PLVAP: variants seen among roughly 807,000 people sequenced by gnomAD.
The protein encoded by PLVAP is plasmalemma vesicle associated protein, also known as plasmalemma vesicle-associated protein.
PLVAP carries 34 observed loss-of-function variants against 43.1 expected under a neutral mutation model. That is an observed-to-expected ratio of 0.79 (90% CI 0.60 to 1.05). The LOEUF is 1.05. Among genes scored for constraint, PLVAP ranks in the 50% least tolerant of loss-of-function variants. The pLI is 0.00. For missense variants in PLVAP, 574 were observed against 593.4 expected (o/e 0.97, Z 0.34); for synonymous variants, 241 against 237.3 (o/e 1.02, Z -0.14).
chr19:17,359,084 GC>G (rs1185925591), intron 5 of PLVAP, among the ~76,000 whole-genome samples: 7 of 151,636 alleles, frequency 4.6e-5, no homozygotes, highest in Non-Finnish European at 8.8e-5. Context: ...ACAGGTGTGA[GC>G]CACAGTGCCT....
At chr19:17,353,353 C>T (rs1167964279) in intron 5 of PLVAP, among the ~76,000 whole-genome samples, 2 of 152,192 alleles carry the variant, frequency 1.3e-5, no homozygotes, top group Non-Finnish European at 2.9e-5. Context: ...CTCTTTGTCC[C>T]GTAGTCTGTT....
Position 17,377,061 on chromosome 19 carries a change from C to T in PLVAP, c.228G>A (p.Gly76=), listed in dbSNP as rs1457671638. The change falls in exon 1 of 6, where the codon GGG becomes GGA. Residue 76 remains glycine (G), a synonymous_variant. Coordinates refer to ENST00000252590, the MANE Select transcript of PLVAP (RefSeq NM_031310.3). ...RAEGLYSQLL[G]LTASQSNLTK... is the part of the protein sequence containing the mutation. ...TCAAGTTGGACTGGGAGGCCGTGAGCCCTAGGAGCTGACTGTATAGGCCCT... is the reference window on the plus strand; with the variant it reads ...TCAAGTTGGACTGGGAGGCCGTGAGTCCTAGGAGCTGACTGTATAGGCCCT... 2 of 1,613,988 alleles carry T rather than the reference C, an allele frequency of 1.2e-6. No individual in the cohort carries two copies. Among genetic ancestry groups the T allele is most frequent in the Admixed American group, 1.7e-5 (1 of 59,992 alleles).
At chr19:17,375,201 T>G (rs7257277) in intron 1 of PLVAP, among the ~76,000 whole-genome samples, 38,306 of 151,848 alleles carry the variant, frequency 0.25, 6,693 homozygotes, top group African/African-American at 0.5. Flanking sequence ...CAGGTGGTCC[T>G]CCTGCCTCGG....
At position 17,377,101 on chromosome 19, in the gene PLVAP, G is replaced by A. The variant is rs1200519805; in HGVS notation, c.188C>T (p.Thr63Ile). ...HVSTESNLQA[T>I]ERRAEGLYSQ... ...GTATAGGCCCTCGGCTCGGCGCTCG[G>A]TGGCCTGCAGGTTGGACTCTGTGCT... The change falls in exon 1 of 6, where the codon ACC (threonine) becomes ATC (isoleucine). Residue 63 changes from threonine (T) to isoleucine (I), a missense_variant. Coordinates refer to ENST00000252590, the MANE Select transcript of PLVAP (RefSeq NM_031310.3). 6.8e-6 allele frequency: 11 copies of A among 1,614,050 alleles called. No homozygotes were observed. Among genetic ancestry groups the A allele is most frequent in the African/African-American group, 1.3e-5 (1 of 74,920 alleles).
intron 5 of PLVAP, among the ~76,000 whole-genome samples, chr19:17,359,137 T>C (rs538112984): frequency 2.8e-5 from 4 of 144,780 alleles, no homozygotes; most frequent in Non-Finnish European, 3.0e-5. Flanking sequence ...TTTTTATTTT[T>C]TGTTGCCCAG....
chr19:17,366,027 G>A, intron 2 of PLVAP, 29 bp from the exon 3 acceptor site: 1 of 1,611,706 alleles, frequency 6.2e-7, no homozygotes, highest in Non-Finnish European at 8.5e-7. Context: ...GGAGACCCAG[G>A]AAGATTGGGG....
chr19:17,360,951 G>C (rs2074526204), intron 3 of PLVAP, 119 bp from the exon 4 acceptor site: 1 of 921,348 alleles, frequency 1.1e-6, no homozygotes, highest in Non-Finnish European at 1.6e-6. Flanking sequence ...TTTCGCTCTT[G>C]TTGCCCAGGC....
At position 17,377,087 on chromosome 19, in the gene PLVAP, C is replaced by A; in HGVS notation, c.202G>T (p.Glu68Ter). 6.2e-7 allele frequency: 1 copy of A among 1,614,112 alleles called. No individual in the cohort carries two copies. ...CCTAGGAGCTGACTGTATAGGCCCT[C>A]GGCTCGGCGCTCGGTGGCCTGCAGG... ...SNLQATERRA[E>*]GLYSQLLGLT... is the part of the protein sequence containing the mutation. Residue 68 changes from glutamate (E) to a stop codon, truncating the protein, a stop_gained, in exon 1 of 6, where the codon GAG (glutamate) becomes TAG (stop). Transcript: ENST00000252590. LOFTEE classifies it high-confidence loss of function.
chr19:17,365,296 A>T lies in PLVAP; in HGVS notation c.1169T>A (p.Ile390Asn). ...AIRNSALDTC[I>N]KTKSQPMMPV... ...GGCCTGCAAGCCCACCTTGGTCTTG[A>T]TGCAGGTGTCCAGGGCTGAGTTTCT... The change falls in exon 3 of 6, where the codon ATC becomes AAC. Residue 390 changes from isoleucine to asparagine, a missense_variant. Ile to Asn is a moderately radical substitution (Grantham distance 149, BLOSUM62 -3). Coordinates refer to ENST00000252590, the MANE Select transcript of PLVAP (RefSeq NM_031310.3). The T allele has an allele frequency of 6.2e-7, 1 of 1,610,692 alleles. No individual in the cohort carries two copies. Among genetic ancestry groups the T allele is most frequent in the Non-Finnish European group, 8.5e-7 (1 of 1,178,386 alleles).
chr19:17,373,797 C>T (rs112006532), intron 1 of PLVAP, among the ~76,000 whole-genome samples: 6 of 152,040 alleles, frequency 3.9e-5, no homozygotes, highest in African/African-American at 7.2e-5. Flanking sequence ...CCAGAGAGCC[C>T]GCCTGTTTCT....
At chr19:17,357,574 A>G (rs4516351) in intron 5 of PLVAP, among the ~76,000 whole-genome samples, 92,229 of 151,854 alleles carry the variant, frequency 0.61, 29,172 homozygotes, top group African/African-American at 0.8. Context: ...TGAGGCAGGA[A>G]GATTGTTTGA....
At chr19:17,367,068 G>A (rs1205946669) in intron 1 of PLVAP, among the ~76,000 whole-genome samples, 1 of 150,386 alleles carries the variant, frequency 6.6e-6, no homozygotes, top group South Asian at 2.1e-4. Context: ...TCAGTCTCCC[G>A]AGGAGCTAGG....
intron 5 of PLVAP, 89 bp downstream of exon 5, chr19:17,360,439 T>G: frequency 6.1e-5 from 83 of 1,362,734 alleles, no homozygotes; most frequent in Non-Finnish European, 8.3e-5. Flanking sequence ...GAAGCAAGTG[T>G]GAGATCAGCC....
chr19:17,366,407 CAA>C (rs1224419685), intron 1 of PLVAP, among the ~76,000 whole-genome samples: 1 of 152,062 alleles, frequency 6.6e-6, no homozygotes, highest in African/African-American at 2.4e-5. Flanking sequence ...CACTCGAGCC[CAA>C]GAGTTTGAGA....
Position 17,376,088 on chromosome 19 carries a change from G to A in PLVAP, c.369+832C>T, listed in dbSNP as rs548472480. Among the ~76,000 whole-genome samples, 155 of 152,226 alleles carry A rather than the reference G, an allele frequency of 1.0e-3. 1 individual carries two copies. Among genetic ancestry groups the A allele is most frequent in the Non-Finnish European group, 1.7e-3 (117 of 68,024 alleles). ...AGCTACTCAAAAGGCTGAGGCAGGAGGATTGCTGGAGCCCAGGATGTCAAG... is the reference window on the plus strand; with the variant it reads ...AGCTACTCAAAAGGCTGAGGCAGGAAGATTGCTGGAGCCCAGGATGTCAAG... On this transcript the variant is annotated intron_variant, in intron 1 of 5. Coordinates refer to ENST00000252590, the MANE Select transcript of PLVAP (RefSeq NM_031310.3).
chr19:17,360,986 C>T (rs2074526368), intron 3 of PLVAP, 154 bp from the exon 4 acceptor site: 1 of 680,010 alleles, frequency 1.5e-6, no homozygotes, highest in South Asian at 2.0e-5. Context: ...GTGATCTTGG[C>T]TCATTGCAAA....
chr19:17,371,134 T>C (rs1036171960), intron 1 of PLVAP, among the ~76,000 whole-genome samples: 1 of 151,858 alleles, frequency 6.6e-6, no homozygotes, highest in Non-Finnish European at 1.5e-5. Flanking sequence ...GAATTATATA[T>C]CAATAAAGCT....
At chr19:17,373,395 A>T (rs1006920486) in intron 1 of PLVAP, among the ~76,000 whole-genome samples, 5 of 151,952 alleles carry the variant, frequency 3.3e-5, no homozygotes. Context: ...TAGGGGTCTG[A>T]GGTGAGGAGA....
intron 5 of PLVAP, among the ~76,000 whole-genome samples, chr19:17,357,281 G>A (rs73016427): frequency 0.072 from 10,929 of 151,262 alleles, 524 homozygotes; most frequent in Non-Finnish European, 0.097. Context: ...GAGACAGAGT[G>A]AGAGTCCATC....
Sources: allele counts gnomAD v4.1 joint callset (sites outside exome capture counted in the v4.1 genomes callset), GRCh38; gene constraint gnomAD v4.1.1; transcripts MANE v1.5; gene names NCBI Gene and HGNC (gene_info 2026-07-23, HGNC 2026-07-21).